TENM4: variants seen among roughly 807,000 people sequenced by gnomAD.
The protein encoded by TENM4 is teneurin transmembrane protein 4.
TENM4 carries 82 observed loss-of-function variants against 243.3 expected under a neutral mutation model. The observed-to-expected ratio is 0.34, with a 90% CI of 0.28 to 0.40. The LOEUF (loss-of-function observed/expected upper bound fraction) is 0.40, where lower values mean the gene tolerates loss of function less well. TENM4 is among the 10% of genes least tolerant of loss of function. The probability of loss-of-function intolerance (pLI) is 1.00; values close to 1 mark genes in which losing one functional copy is unlikely to be tolerated. For synonymous variants in TENM4, 1,412 were observed against 1,456.3 expected, an observed-to-expected ratio of 0.97 and a Z score of 0.69; for missense variants, 3,138 against 3,673.3, an observed-to-expected ratio of 0.85 and a Z score of 3.77.
intron 4 of TENM4, among the ~76,000 whole-genome samples, chr11:79,108,991 CAGA>C (rs1361082624): frequency 6.6e-6 from 1 of 152,176 alleles, no homozygotes; most frequent in African/African-American, 2.4e-5. Context: ...CTCTGCCGCC[CAGA>C]AGGCCTGGGA....
chr11:78,812,072 C>T (rs1403080721), intron 14 of TENM4, 50 bp downstream of exon 14: 4 of 1,528,416 alleles, frequency 2.6e-6, no homozygotes. Context: ...CACTATATGC[C>T]AGCCTCTATC....
At position 79,016,580 on chromosome 11, in the gene TENM4, T is replaced by C. The variant is rs770420940; in HGVS notation, c.493+48158A>G. On this transcript the variant is annotated intron_variant, in intron 6 of 33. Coordinates refer to ENST00000278550, the MANE Select transcript of TENM4 (RefSeq NM_001098816.3). ...AAGTTTATAATTTGGAGGAGGAGTC[T>C]AGGCTAAAGATACACATTCGGTTGA... Among the ~76,000 whole-genome samples, 34 of 152,186 alleles carry C rather than the reference T, an allele frequency of 2.2e-4. 1 individual carries two copies. Among genetic ancestry groups the C allele is most frequent in the South Asian group, 1.7e-3 (8 of 4,830 alleles).
At chr11:79,120,990 G>C (rs1591297669) in intron 4 of TENM4, among the ~76,000 whole-genome samples, 2 of 152,132 alleles carry the variant, frequency 1.3e-5, no homozygotes, top group African/African-American at 4.8e-5. Flanking sequence ...ATTAGTAATG[G>C]GAGAGCTTGG....
chr11:79,384,707 C>T (rs917838398), intron 1 of TENM4, among the ~76,000 whole-genome samples: 1 of 152,044 alleles, frequency 6.6e-6, no homozygotes, highest in African/African-American at 2.4e-5. Flanking sequence ...GGGCAAATCA[C>T]TTGAGGTCAG....
At chr11:78,763,498 C>T (rs1856475591) in intron 18 of TENM4, among the ~76,000 whole-genome samples, 1 of 152,220 alleles carries the variant, frequency 6.6e-6, no homozygotes, top group Non-Finnish European at 1.5e-5. Context: ...GCTGCTGGTG[C>T]ATGGAGGGCT....
chr11:79,360,063 C>T (rs999752234), intron 1 of TENM4, among the ~76,000 whole-genome samples: 1 of 152,186 alleles, frequency 6.6e-6, no homozygotes, highest in Non-Finnish European at 1.5e-5. Context: ...AACATCCCTC[C>T]TCTATTCATT....
rs532424691 is a variant in TENM4 at position 78,675,620 on chromosome 11, C to G, written c.5496+532G>C. On this transcript the variant is annotated intron_variant, in intron 30 of 33. Transcript: ENST00000278550. ...CTGAATGTCAGACCATGATGCCAGC[C>G]CCAGCAGTGATGGCTCGGGTGAGGT... Among the ~76,000 whole-genome samples the G allele has an allele frequency of 2.0e-5, 3 of 152,194 alleles. No homozygotes were observed. In the South Asian group the frequency reaches 6.2e-4, roughly 32 times the overall value.
chr11:78,823,082 C>G (rs1591049906), intron 12 of TENM4, among the ~76,000 whole-genome samples: 1 of 152,182 alleles, frequency 6.6e-6, no homozygotes, highest in African/African-American at 2.4e-5. Context: ...CAGCGGTGCC[C>G]CGTGAGCACG....
intron 4 of TENM4, among the ~76,000 whole-genome samples, chr11:79,104,340 T>C (rs1196506979): frequency 6.6e-6 from 1 of 152,266 alleles, no homozygotes; most frequent in Non-Finnish European, 1.5e-5. Context: ...GGACTCCCTG[T>C]GTCCTCACTA....
intron 6 of TENM4, chr11:79,064,468 T>C (rs1364116145): frequency 6.5e-6 from 3 of 459,224 alleles, no homozygotes; most frequent in Non-Finnish European, 1.2e-5. Context: ...TCTGCTCCCC[T>C]GCACACAGGC....
intron 1 of TENM4, among the ~76,000 whole-genome samples, chr11:79,405,557 A>C (rs1236142148): frequency 6.6e-6 from 1 of 152,044 alleles, no homozygotes; most frequent in Non-Finnish European, 1.5e-5. Flanking sequence ...ACACTCTAAC[A>C]TGTTTACTTG....
At position 78,675,199 on chromosome 11, in the gene TENM4, A is replaced by G. The variant is rs193259979; in HGVS notation, c.5496+953T>C. On this transcript the variant is annotated intron_variant, in intron 30 of 33. Coordinates refer to ENST00000278550, the MANE Select transcript of TENM4 (RefSeq NM_001098816.3). ...TAGTCTTTACCACCACCTCGCTATG[A>G]GACTCTGGAAAAATCGTTTACCCTC... is the stretch of plus-strand genomic sequence containing the variant. 1.7e-3 allele frequency among the ~76,000 whole-genome samples: 255 copies of G among 152,228 alleles called. 2 individuals carry two copies. The highest frequency in any genetic ancestry group is 5.9e-3 in the African/African-American group (243 of 41,528).
At chr11:79,295,251 C>T (rs1856429844) in intron 2 of TENM4, among the ~76,000 whole-genome samples, 1 of 152,182 alleles carries the variant, frequency 6.6e-6, no homozygotes, top group Non-Finnish European at 1.5e-5. Flanking sequence ...GCTCTTGGCT[C>T]AGGAAAGATA....
chr11:78,799,423 T>C (rs921049371), intron 15 of TENM4, among the ~76,000 whole-genome samples: 1 of 152,226 alleles, frequency 6.6e-6, no homozygotes, highest in African/African-American at 2.4e-5. Flanking sequence ...CTTCACTGTA[T>C]AAACTGTCCT....
intron 12 of TENM4, among the ~76,000 whole-genome samples, chr11:78,843,478 C>T (rs1858309485): frequency 6.6e-6 from 1 of 151,858 alleles, no homozygotes; most frequent in African/African-American, 2.4e-5. Flanking sequence ...CAAAGCAAGA[C>T]CCTGTTGCTA....
intron 2 of TENM4, among the ~76,000 whole-genome samples, chr11:79,241,884 G>A (rs1231691586): frequency 6.6e-5 from 10 of 152,176 alleles, no homozygotes. Context: ...GCAGGACCCT[G>A]GAGTCTTATA....
intron 6 of TENM4, among the ~76,000 whole-genome samples, chr11:78,979,493 G>A (rs1857742251): frequency 6.6e-6 from 1 of 152,192 alleles, no homozygotes; most frequent in African/African-American, 2.4e-5. Context: ...ACCAGGAGTT[G>A]GCCAGGTTAA....
intron 7 of TENM4, among the ~76,000 whole-genome samples, chr11:78,901,941 T>C (rs747524239): frequency 2.0e-5 from 3 of 152,230 alleles, no homozygotes; most frequent in Non-Finnish European, 4.4e-5. Context: ...CATTTTCTCT[T>C]ACTGGCCTCC....
chr11:79,432,991 G>A (rs1859200126), intron 1 of TENM4, among the ~76,000 whole-genome samples: 1 of 152,146 alleles, frequency 6.6e-6, no homozygotes, highest in South Asian at 2.1e-4. Context: ...TCTCCTATAG[G>A]ATCACAGGAT....
Sources: gnomAD v4.1 joint callset for allele counts (sites outside exome capture counted in the v4.1 genomes callset) on GRCh38, gnomAD v4.1.1 for gene constraint, MANE v1.5 for transcripts, NCBI Gene and HGNC (gene_info 2026-07-23, HGNC 2026-07-21) for gene names.